Variants in SRD5A2 observed in about 807,000 individuals in gnomAD.
SRD5A2 encodes 3-oxo-5-alpha-steroid 4-dehydrogenase 2.
Under a neutral mutation model 27.4 loss-of-function variants are expected in SRD5A2, and 30 were observed. That is an observed-to-expected ratio of 1.10 (90% confidence interval 0.82 to 1.49). SRD5A2 has a LOEUF of 1.49. SRD5A2 is among the 40% of genes most tolerant of loss of function. SRD5A2 has a pLI of 0.00. For synonymous variants in SRD5A2, 141 were observed against 133.6 expected (o/e 1.06, Z -0.38); for missense variants, 348 against 323.4 (o/e 1.08, Z -0.58).
In SRD5A2 at chr2:31,529,862, A is replaced by G. The variant is rs185632590; in HGVS notation, c.548-405T>C. On this transcript the variant is annotated intron_variant, in intron 3 of 4. Transcript: ENST00000622030. Reference sequence around the variant, plus strand: ...CACACACGTTCACATTCACAGTCCCAAAATGTGAAACTGCACACTACATTA... The same window carrying G: ...CACACACGTTCACATTCACAGTCCCGAAATGTGAAACTGCACACTACATTA... Among the ~76,000 whole-genome samples the G allele has an allele frequency of 2.3e-4, 35 of 152,320 alleles. 1 individual carries two copies. The East Asian group carries it at 4.1e-3, about 18-fold the overall frequency.
chr2:31,583,663 C>CAAAAAAAAAAAAAAAAAAAAGCA (rs796349594), upstream of SRD5A2, among the ~76,000 whole-genome samples: 4 of 97,222 alleles, frequency 4.1e-5, no homozygotes, highest in Admixed American at 1.0e-4. Context: ...AAAAAAAAAG[C>CAAAAAAAAAAAAAAAAAAAAGCA]AAAAAAAAAA....
the SRD5A2 span, among the ~76,000 whole-genome samples, chr2:31,661,770 C>T: frequency 6.6e-6 from 1 of 151,976 alleles, no homozygotes; most frequent in Non-Finnish European, 1.5e-5. Context: ...TTTCCTCATT[C>T]TCCCTCACCT....
chr2:31,632,937 C>T, the SRD5A2 span, among the ~76,000 whole-genome samples: 7 of 152,206 alleles, frequency 4.6e-5, no homozygotes, highest in Non-Finnish European at 7.4e-5. Context: ...TCCTAACTTC[C>T]GAGGGAACAC....
At chr2:31,639,804 A>T in the SRD5A2 span, among the ~76,000 whole-genome samples, 2 of 151,766 alleles carry the variant, frequency 1.3e-5, no homozygotes, top group Admixed American at 1.3e-4. Context: ...TGAGAATTTG[A>T]TTCTTATATG....
At chr2:31,574,902 A>T (rs1457807424) in intron 1 of SRD5A2, among the ~76,000 whole-genome samples, 2 of 152,206 alleles carry the variant, frequency 1.3e-5, no homozygotes, top group Non-Finnish European at 2.9e-5. Flanking sequence ...ATACAACCAC[A>T]TTCATCTGTT....
intron 1 of SRD5A2, among the ~76,000 whole-genome samples, chr2:31,548,792 T>A (rs1666316769): frequency 6.6e-6 from 1 of 152,124 alleles, no homozygotes; most frequent in African/African-American, 2.4e-5. Flanking sequence ...CACACATTGA[T>A]AGAAGCATTA....
At chr2:31,555,983 T>G (rs1340902277) in intron 1 of SRD5A2, among the ~76,000 whole-genome samples, 3 of 152,180 alleles carry the variant, frequency 2.0e-5, no homozygotes, top group Non-Finnish European at 4.4e-5. Flanking sequence ...GGTGAGATTT[T>G]GGGTACACAT....
the SRD5A2 span, among the ~76,000 whole-genome samples, chr2:31,608,462 T>C: frequency 6.6e-6 from 1 of 151,898 alleles, no homozygotes; most frequent in Non-Finnish European, 1.5e-5. Context: ...AGTAAATGGT[T>C]GGAACTGTTG....
intron 1 of SRD5A2, among the ~76,000 whole-genome samples, chr2:31,535,370 C>T (rs1666004710): frequency 2.0e-5 from 3 of 152,176 alleles, no homozygotes; most frequent in Non-Finnish European, 4.4e-5. Context: ...AAGACCTGCA[C>T]TTTCCCCCTT....
the SRD5A2 span, among the ~76,000 whole-genome samples, chr2:31,592,589 C>G: frequency 6.6e-6 from 1 of 152,174 alleles, no homozygotes; most frequent in Non-Finnish European, 1.5e-5. Context: ...TGGCTAGACC[C>G]AGAAAGGCAA....
chr2:31,662,004 A>G, the SRD5A2 span, among the ~76,000 whole-genome samples: 3 of 152,072 alleles, frequency 2.0e-5, no homozygotes, highest in African/African-American at 7.2e-5. Context: ...TTTCATTAGA[A>G]TGTTTTTTAC....
At chr2:31,606,018 T>C in the SRD5A2 span, among the ~76,000 whole-genome samples, 1 of 151,906 alleles carries the variant, frequency 6.6e-6, no homozygotes, top group African/African-American at 2.4e-5. Context: ...AACTGGAGGT[T>C]ATTATGTTAA....
the SRD5A2 span, among the ~76,000 whole-genome samples, chr2:31,604,563 G>T: frequency 6.6e-6 from 1 of 151,674 alleles, no homozygotes; most frequent in East Asian, 1.9e-4. Context: ...TGACAGCCAT[G>T]CATAAAATTA....
chr2:31,594,397 A>C, the SRD5A2 span, among the ~76,000 whole-genome samples: 1 of 152,216 alleles, frequency 6.6e-6, no homozygotes, highest in African/African-American at 2.4e-5. Flanking sequence ...GAGCAGGATT[A>C]GCTATTCTTA....
At chr2:31,654,766 T>C in the SRD5A2 span, among the ~76,000 whole-genome samples, 1 of 152,170 alleles carries the variant, frequency 6.6e-6, no homozygotes, top group African/African-American at 2.4e-5. Flanking sequence ...CTGATGCCAG[T>C]ATCAGGCACA....
chr2:31,533,532 G>T, intron 2 of SRD5A2, 71 bp downstream of exon 2: 1 of 1,411,994 alleles, frequency 7.1e-7, no homozygotes, highest in Non-Finnish European at 9.7e-7. Flanking sequence ...GTAGGGAGAG[G>T]CCATGGCGAT....
chr2:31,634,667 T>C, the SRD5A2 span, among the ~76,000 whole-genome samples: 1 of 152,146 alleles, frequency 6.6e-6, no homozygotes, highest in South Asian at 2.1e-4. Context: ...TATTCTTTTA[T>C]TTCCTTTTAT....
chr2:31,558,202 T>A lies in SRD5A2; in HGVS notation c.281+22418A>T, dbSNP rs1666540213. Among the ~76,000 whole-genome samples the A allele has an allele frequency of 2.0e-5, 3 of 152,302 alleles. No homozygotes were observed. The East Asian group carries it at 5.8e-4, about 29-fold the overall frequency. Reference sequence around the variant, plus strand: ...GAGCCTTTGCCAAGAGAGGGCCAAGTAAACATCAAGAACTACTCTGACATT... The same window carrying A: ...GAGCCTTTGCCAAGAGAGGGCCAAGAAAACATCAAGAACTACTCTGACATT... On this transcript the variant is annotated intron_variant, in intron 1 of 4. Coordinates refer to ENST00000622030, the MANE Select transcript of SRD5A2 (RefSeq NM_000348.4).
At chr2:31,533,855 G>A in intron 1 of SRD5A2, 89 bp from the exon 2 acceptor site, 1 of 1,428,736 alleles carries the variant, frequency 7.0e-7, no homozygotes, top group Non-Finnish European at 9.3e-7. Context: ...CACACCAGAA[G>A]GTACAAAAAC....
Sources: allele counts gnomAD v4.1 joint callset (sites outside exome capture counted in the v4.1 genomes callset), GRCh38; gene constraint gnomAD v4.1.1; transcripts MANE v1.5; gene names NCBI Gene and HGNC (gene_info 2026-07-23, HGNC 2026-07-21).